Variants in CCDC146 observed in about 807,000 individuals in gnomAD.
CCDC146 encodes the protein coiled-coil domain containing 146.
A neutral mutation model predicts 119.3 loss-of-function variants in CCDC146; 92 were observed. The ratio of observed to expected loss-of-function variants is 0.77; its 90% CI spans 0.65 to 0.92. The LOEUF is 0.92. Ranked by LOEUF, CCDC146 falls within the 40% of genes least tolerant of loss-of-function variation. The probability of loss-of-function intolerance (pLI) is 0.00; values close to 1 mark genes in which losing one functional copy is unlikely to be tolerated. For synonymous variants in CCDC146, 372 were observed against 371.8 expected (o/e 1.00, Z -0.01); for missense variants, 1,000 against 1,103.0 (o/e 0.91, Z 1.32).
At chr7:77,181,353 TG>T (rs1791585957) in intron 2 of CCDC146, among the ~76,000 whole-genome samples, 1 of 152,032 alleles carries the variant, frequency 6.6e-6, no homozygotes, top group East Asian at 1.9e-4. Context: ...TAAAGGTCAG[TG>T]GGGGTGTAGA....
At chr7:77,149,941 G>T (rs1445766915) in intron 1 of CCDC146, among the ~76,000 whole-genome samples, 1 of 151,802 alleles carries the variant, frequency 6.6e-6, no homozygotes, top group Non-Finnish European at 1.5e-5. Context: ...GGTGTCTTGA[G>T]AATTCAATGG....
At chr7:77,129,697 A>AC (rs988401204) in intron 1 of CCDC146, among the ~76,000 whole-genome samples, 13 of 149,416 alleles carry the variant, frequency 8.7e-5, no homozygotes, top group East Asian at 2.0e-4. Flanking sequence ...CTACCATTGA[A>AC]CCCCCCCAGC....
chr7:77,283,209 T>G (rs1793793405), intron 15 of CCDC146, among the ~76,000 whole-genome samples: 1 of 152,208 alleles, frequency 6.6e-6, no homozygotes, highest in African/African-American at 2.4e-5. Flanking sequence ...AGATTGTTGC[T>G]TATTAGTAGT....
intron 1 of CCDC146, among the ~76,000 whole-genome samples, chr7:77,126,641 C>T (rs1790692788): frequency 2.0e-5 from 3 of 152,058 alleles, no homozygotes; most frequent in Non-Finnish European, 4.4e-5. Flanking sequence ...TGTCTGCTGG[C>T]AGGTTGTCTC....
intron 2 of CCDC146, among the ~76,000 whole-genome samples, chr7:77,180,566 C>T (rs13225192): frequency 0.22 from 32,777 of 151,872 alleles, 4,555 homozygotes; most frequent in African/African-American, 0.4. Context: ...GATGTAGTGG[C>T]GTGTGCCTGT....
At chr7:77,252,805 C>T (rs1415198359) in intron 4 of CCDC146, among the ~76,000 whole-genome samples, 1 of 152,206 alleles carries the variant, frequency 6.6e-6, no homozygotes, top group African/African-American at 2.4e-5. Flanking sequence ...TAGCACAGTC[C>T]AGTGCAAGTC....
intron 1 of CCDC146, among the ~76,000 whole-genome samples, chr7:77,148,666 G>A (rs1184868812): frequency 6.6e-6 from 1 of 152,022 alleles, no homozygotes; most frequent in Non-Finnish European, 1.5e-5. Flanking sequence ...AAAATCACAA[G>A]CATTTCTGTA....
chr7:77,145,312 T>C (rs1790998840), intron 1 of CCDC146, among the ~76,000 whole-genome samples: 1 of 151,876 alleles, frequency 6.6e-6, no homozygotes, highest in Non-Finnish European at 1.5e-5. Context: ...CTCTCTTTTC[T>C]TCTTTATTAG....
chr7:77,211,908 A>T (rs562913117), intron 2 of CCDC146, among the ~76,000 whole-genome samples: 1 of 152,122 alleles, frequency 6.6e-6, no homozygotes, highest in Non-Finnish European at 1.5e-5. Context: ...AAGCTGCCGC[A>T]TCCAGCCTAT....
chr7:77,165,455 T>G (rs1320844772), intron 1 of CCDC146, among the ~76,000 whole-genome samples: 1 of 151,950 alleles, frequency 6.6e-6, no homozygotes, highest in African/African-American at 2.4e-5. Context: ...AATCGATGGC[T>G]GTGGCAGAGG....
intron 9 of CCDC146, among the ~76,000 whole-genome samples, chr7:77,264,277 T>C (rs1459807788): frequency 1.3e-5 from 2 of 152,178 alleles, no homozygotes; most frequent in African/African-American, 4.8e-5. Context: ...CTTTTTCTTT[T>C]TGGAGACAGT....
At chr7:77,212,346 G>T (rs1792200672) in intron 2 of CCDC146, among the ~76,000 whole-genome samples, 2 of 152,066 alleles carry the variant, frequency 1.3e-5, no homozygotes, top group Non-Finnish European at 2.9e-5. Flanking sequence ...TGAAGGCTGG[G>T]CATGGTGGCT....
rs1258235827 is a variant in CCDC146 at position 77,153,083 on chromosome 7, T to A, written c.-11-14575T>A. 2.0e-5 allele frequency among the ~76,000 whole-genome samples: 3 copies of A among 152,158 alleles called. No homozygotes were observed. The East Asian group carries it at 5.8e-4, about 29-fold the overall frequency. On this transcript the variant is annotated intron_variant, in intron 1 of 18. Coordinates refer to ENST00000285871, the MANE Select transcript of CCDC146 (RefSeq NM_020879.3). ...TTCTTTCCATTACCCCATGCTGCCA[T>A]CCTGGTAGACTAAGTCAAAACCACT...
At position 77,262,309 on chromosome 7, in the gene CCDC146, T is replaced by C; in HGVS notation, c.1173+2T>C. 1 of 1,561,174 alleles carries C rather than the reference T, an allele frequency of 6.4e-7. No individual in the cohort carries two copies. The highest frequency in any genetic ancestry group is 8.7e-7 in the Non-Finnish European group (1 of 1,153,464). ...CTGCATCAAAGGCTTCTATTAGAGG[T>C]GAGGGCTGTAAACTACCATCTGATT... On this transcript the variant is annotated splice_donor_variant, in intron 9 of 18. Transcript: ENST00000285871. LOFTEE classifies it high-confidence loss of function.
chr7:77,164,076 T>C (rs992156071), intron 1 of CCDC146, among the ~76,000 whole-genome samples: 2 of 152,072 alleles, frequency 1.3e-5, no homozygotes, highest in Non-Finnish European at 2.9e-5. Flanking sequence ...TTTGCCAGGC[T>C]AGTCTTGAAC....
intron 8 of CCDC146, 79 bp from the exon 9 acceptor site, chr7:77,262,042 C>A: frequency 8.4e-7 from 1 of 1,183,598 alleles, no homozygotes; most frequent in East Asian, 2.4e-5. Flanking sequence ...ATTCAGCATG[C>A]TGTCTTGATA....
chr7:77,294,470 G>A (rs1204101032), intron 18 of CCDC146, among the ~76,000 whole-genome samples, 193 bp from the exon 19 acceptor site: 1 of 128,518 alleles, frequency 7.8e-6, no homozygotes, highest in East Asian at 2.3e-4. Flanking sequence ...GTAGGTGTGT[G>A]TGTGTGTGTG....
At chr7:77,164,506 C>T (rs563736201) in intron 1 of CCDC146, among the ~76,000 whole-genome samples, 24 of 152,260 alleles carry the variant, frequency 1.6e-4, no homozygotes, top group African/African-American at 5.8e-4. Flanking sequence ...TAACAACAGA[C>T]AATCAGATAT....
At chr7:77,246,452 GA>G (rs1166608355) in intron 4 of CCDC146, 2 of 152,148 alleles carry the variant, frequency 1.3e-5, no homozygotes, top group Non-Finnish European at 2.9e-5. Flanking sequence ...AAATCCTAAG[GA>G]GCTTTGATGT....
Sources: allele counts gnomAD v4.1 joint callset (sites outside exome capture counted in the v4.1 genomes callset), GRCh38; gene constraint gnomAD v4.1.1; transcripts MANE v1.5; gene names NCBI Gene and HGNC (gene_info 2026-07-23, HGNC 2026-07-21).